Variants in MCC observed in about 807,000 individuals in gnomAD.
MCC encodes colorectal mutant cancer protein.
A neutral mutation model predicts 116.2 loss-of-function variants in MCC; 90 were observed. The ratio of observed to expected loss-of-function variants is 0.77; its 90% CI spans 0.65 to 0.92. The LOEUF (loss-of-function observed/expected upper bound fraction) is 0.92, where lower values mean the gene tolerates loss of function less well. Ranked by LOEUF, MCC falls within the 40% of genes least tolerant of loss-of-function variation. The pLI, the probability that MCC is intolerant of heterozygous loss-of-function variation, is 0.00. For missense variants in MCC, 1,516 were observed against 1,312.2 expected (o/e 1.16, Z -2.40); for synonymous variants, 578 against 510.5 (o/e 1.13, Z -1.78).
chr5:113,248,042 A>C (rs1434039372), intron 3 of MCC, among the ~76,000 whole-genome samples: 1 of 152,016 alleles, frequency 6.6e-6, no homozygotes, highest in Non-Finnish European at 1.5e-5. Context: ...GGGCTGGAAG[A>C]AGCAGAAGTC....
chr5:113,236,121 G>A (rs1430934328), intron 3 of MCC, among the ~76,000 whole-genome samples: 1 of 152,030 alleles, frequency 6.6e-6, no homozygotes, highest in African/African-American at 2.4e-5. Context: ...CTCTTTTAAA[G>A]GCTCTCTGAT....
intron 11 of MCC, 117 bp downstream of exon 11, chr5:113,082,742 TG>T: frequency 7.9e-7 from 1 of 1,265,550 alleles, no homozygotes; most frequent in Non-Finnish European, 1.1e-6. Flanking sequence ...CCCACCAGCC[TG>T]ACGGTACTGC....
At chr5:113,477,146 G>T (rs1280384250) in intron 1 of MCC, among the ~76,000 whole-genome samples, 2 of 152,108 alleles carry the variant, frequency 1.3e-5, no homozygotes, top group African/African-American at 4.8e-5. Flanking sequence ...TGCTTACTTG[G>T]CACAGCCTAG....
intron 14 of MCC, among the ~76,000 whole-genome samples, chr5:113,058,403 G>C (rs1752984879): frequency 6.6e-6 from 1 of 152,200 alleles, no homozygotes; most frequent in Non-Finnish European, 1.5e-5. Context: ...TCCGGGGCCT[G>C]CTGTCAAGAC....
intron 6 of MCC, among the ~76,000 whole-genome samples, chr5:113,107,522 C>G (rs1039706659): frequency 2.0e-5 from 3 of 152,078 alleles, no homozygotes; most frequent in East Asian, 1.9e-4. Flanking sequence ...ACTGCAGAGG[C>G]CCTTTGGAGA....
intron 3 of MCC, among the ~76,000 whole-genome samples, chr5:113,215,958 T>C (rs943530697): frequency 6.6e-6 from 1 of 152,214 alleles, no homozygotes; most frequent in African/African-American, 2.4e-5. Context: ...TGTTGTTCAA[T>C]CAAAACTGTT....
chr5:113,080,181 A>G (rs1015054912), intron 11 of MCC, among the ~76,000 whole-genome samples: 3 of 152,248 alleles, frequency 2.0e-5, no homozygotes, highest in Non-Finnish European at 4.4e-5. Flanking sequence ...GTGGAGAAAC[A>G]GGAACACTTT....
intron 1 of MCC, among the ~76,000 whole-genome samples, chr5:113,445,695 C>A (rs1214931300): frequency 6.6e-6 from 1 of 152,054 alleles, no homozygotes; most frequent in Non-Finnish European, 1.5e-5. Flanking sequence ...CAATGCTATT[C>A]CTATCAAACA....
At chr5:113,119,761 G>C (rs1047317609) in intron 6 of MCC, among the ~76,000 whole-genome samples, 1 of 152,128 alleles carries the variant, frequency 6.6e-6, no homozygotes, top group Non-Finnish European at 1.5e-5. Flanking sequence ...GGCAGGGAAG[G>C]TCACTCCCCT....
chr5:113,060,301 T>G (rs1053452030), intron 14 of MCC, among the ~76,000 whole-genome samples: 1 of 152,122 alleles, frequency 6.6e-6, no homozygotes. Flanking sequence ...ACTACAGGCA[T>G]GTACCACCAT....
At chr5:113,048,824 G>A (rs938905233) in intron 16 of MCC, 1 of 546,676 alleles carries the variant, frequency 1.8e-6, no homozygotes, top group Non-Finnish European at 3.2e-6. Flanking sequence ...CAGTATCAGT[G>A]GACAACTGCA....
At chr5:113,275,989 T>A (rs1160365382) in intron 3 of MCC, among the ~76,000 whole-genome samples, 1 of 150,122 alleles carries the variant, frequency 6.7e-6, no homozygotes, top group South Asian at 2.1e-4. Flanking sequence ...TTTTTTTTTT[T>A]AAGCAGGCCA....
chr5:113,307,782 GT>G (rs1339271235), intron 3 of MCC, among the ~76,000 whole-genome samples: 1 of 152,124 alleles, frequency 6.6e-6, no homozygotes, highest in Admixed American at 6.5e-5. Flanking sequence ...TTAGCTGTAG[GT>G]TTTTTGTAGA....
intron 3 of MCC, among the ~76,000 whole-genome samples, chr5:113,327,843 C>T (rs564471751): frequency 1.7e-4 from 25 of 150,678 alleles, no homozygotes; most frequent in Non-Finnish European, 3.0e-4. Flanking sequence ...TACTTTTGCA[C>T]CAACCTAACA....
At chr5:113,051,610 G>A (rs937996309) in intron 15 of MCC, among the ~76,000 whole-genome samples, 4 of 151,952 alleles carry the variant, frequency 2.6e-5, no homozygotes, top group East Asian at 3.9e-4. Flanking sequence ...CTGTAGTCCC[G>A]GCTACTCGGG....
chr5:113,237,805 C>A (rs116200064), intron 3 of MCC, among the ~76,000 whole-genome samples: 1 of 152,182 alleles, frequency 6.6e-6, no homozygotes, highest in Non-Finnish European at 1.5e-5. Flanking sequence ...TGGCTGGATG[C>A]GACACACTGC....
rs564001020 is a variant in MCC, at chr5:113,450,471, G to T, written c.170+37774C>A. ...CTGATGTGATGCCCCCCCAAGCCTGGCAGCATCATGAACAGAAATGTGTGC... is the reference window on the plus strand; with the variant it reads ...CTGATGTGATGCCCCCCCAAGCCTGTCAGCATCATGAACAGAAATGTGTGC... On this transcript the variant is annotated intron_variant, in intron 1 of 18. Coordinates refer to ENST00000408903, the MANE Select transcript of MCC (RefSeq NM_001085377.2). Among the ~76,000 whole-genome samples the T allele has an allele frequency of 9.9e-5, 15 of 152,204 alleles. No individual in the cohort carries two copies. The South Asian group carries it at 2.3e-3, about 23-fold the overall frequency.
chr5:113,164,512 G>C (rs1278957050), intron 3 of MCC, among the ~76,000 whole-genome samples: 1 of 152,146 alleles, frequency 6.6e-6, no homozygotes, highest in Non-Finnish European at 1.5e-5. Flanking sequence ...TTGGTAAATG[G>C]TAGCCAGGAC....
At chr5:113,459,178 T>TGTGTGTGA (rs1561583860) in intron 1 of MCC, among the ~76,000 whole-genome samples, 1 of 101,578 alleles carries the variant, frequency 9.8e-6, no homozygotes, top group African/African-American at 4.9e-5. Context: ...TGTGTGTGTG[T>TGTGTGTGA]GAAGTGGGTG....
Sources: gnomAD v4.1 joint callset for allele counts (sites outside exome capture counted in the v4.1 genomes callset) on GRCh38, gnomAD v4.1.1 for gene constraint, MANE v1.5 for transcripts, NCBI Gene and HGNC (gene_info 2026-07-23, HGNC 2026-07-21) for gene names.